The following EIF4ENIF1 variants were observed in gnomAD, a reference collection of about 807,000 sequenced individuals.
EIF4ENIF1 encodes the protein eukaryotic translation initiation factor 4E nuclear import factor 1, also known as eukaryotic translation initiation factor 4E transporter.
A neutral mutation model predicts 110.5 loss-of-function variants in EIF4ENIF1; 23 were observed. The ratio of observed to expected loss-of-function variants is 0.21; its 90% CI spans 0.15 to 0.29. The LOEUF (loss-of-function observed/expected upper bound fraction) is 0.29, where lower values mean the gene tolerates loss of function less well. EIF4ENIF1 is among the 10% of genes least tolerant of loss of function. EIF4ENIF1 has a pLI of 1.00. For synonymous variants in EIF4ENIF1, 440 were observed against 437.0 expected (o/e 1.01, Z -0.09); for missense variants, 1,031 against 1,221.1 (o/e 0.84, Z 2.32).
chr22:31,489,531 G>A (rs867741854), intron 1 of EIF4ENIF1, 163 bp downstream of exon 1: 61 of 142,274 alleles, frequency 4.3e-4, no homozygotes, highest in African/African-American at 1.5e-3. Context: ...GCTACCCGCC[G>A]GCCGCCTTGC....
rs2050969411 is a variant in EIF4ENIF1 at position 31,460,843 on chromosome 22, G to A, written c.787+2089C>T. ...CGCCTGTAGTCCCAGCTACTCGGGA[G>A]GCTGAGGCAGGAGAATGGCGTGAAC... On this transcript the variant is annotated intron_variant, in intron 6 of 18. Transcript: ENST00000330125. Among the ~76,000 whole-genome samples, 6 of 152,242 alleles carry A rather than the reference G, an allele frequency of 3.9e-5. No homozygotes were observed. The South Asian group carries it at 1.0e-3, about 26-fold the overall frequency.
Position 31,481,080 on chromosome 22 carries a change from A to G in EIF4ENIF1, c.96+7543T>C, listed in dbSNP as rs539473240. On this transcript the variant is annotated intron_variant, in intron 2 of 18. Coordinates refer to ENST00000330125, the MANE Select transcript of EIF4ENIF1 (RefSeq NM_019843.4). ...GGGTAGGAAAAAGCAGTCAGAAGCT[A>G]TTCTCTATGGTCTTGCCAGCCAGCC... 2.8e-4 allele frequency among the ~76,000 whole-genome samples: 42 copies of G among 152,312 alleles called. No homozygotes were observed. The South Asian group carries it at 8.7e-3, about 32-fold the overall frequency.
At chr22:31,454,788 C>T (rs2050767152) in intron 9 of EIF4ENIF1, among the ~76,000 whole-genome samples, 1 of 152,136 alleles carries the variant, frequency 6.6e-6, no homozygotes, top group African/African-American at 2.4e-5. Context: ...AATTTATAGC[C>T]TAAGCAAGAA....
chr22:31,439,311 C>CCAAA (rs1329183865), downstream of EIF4ENIF1: 2 of 153,348 alleles, frequency 1.3e-5, no homozygotes, highest in East Asian at 3.9e-4. Flanking sequence ...GACCCTGTCT[C>CCAAA]CAAACAAAAT....
chr22:31,457,909 T>A (rs895271788), intron 7 of EIF4ENIF1, among the ~76,000 whole-genome samples: 1 of 152,054 alleles, frequency 6.6e-6, no homozygotes, highest in Non-Finnish European at 1.5e-5. Flanking sequence ...AATATAAGCA[T>A]CTTAGTGATA....
chr22:31,458,388 TC>T, intron 7 of EIF4ENIF1, 86 bp downstream of exon 7: 1 of 1,221,188 alleles, frequency 8.2e-7, no homozygotes, highest in Non-Finnish European at 1.1e-6. Flanking sequence ...CCCAAAAGCA[TC>T]TAGCAAAACA....
At chr22:31,490,045 G>C (rs1389468878), upstream of EIF4ENIF1, 1 of 152,310 alleles carries the variant, frequency 6.6e-6, no homozygotes, top group Non-Finnish European at 1.5e-5. Context: ...TGGTGGCGGC[G>C]AGGAGGAGGC....
At chr22:31,442,248 T>C (rs1455180980) in intron 16 of EIF4ENIF1, 130 bp from the exon 17 acceptor site, 2 of 717,204 alleles carry the variant, frequency 2.8e-6, no homozygotes, top group Admixed American at 5.7e-5. Flanking sequence ...TTTAGAGGAC[T>C]ACACGGTAGG....
chr22:31,471,536 G>C (rs948313895), intron 3 of EIF4ENIF1, among the ~76,000 whole-genome samples: 5 of 152,078 alleles, frequency 3.3e-5, no homozygotes, highest in Non-Finnish European at 5.9e-5. Context: ...GGATGGTCTC[G>C]ATCTCCTGAC....
intron 6 of EIF4ENIF1, 150 bp from the exon 7 acceptor site, chr22:31,458,800 C>T: frequency 1.7e-6 from 1 of 599,334 alleles, no homozygotes; most frequent in Non-Finnish European, 2.5e-6. Flanking sequence ...AAGAATAAAA[C>T]AGTCCCCCTT....
intron 4 of EIF4ENIF1, among the ~76,000 whole-genome samples, chr22:31,466,442 C>T (rs896732362): frequency 4.0e-5 from 6 of 149,982 alleles, no homozygotes; most frequent in African/African-American, 9.8e-5. Context: ...TAGCTGGGCA[C>T]GGTGGAACGT....
downstream of EIF4ENIF1, among the ~76,000 whole-genome samples, chr22:31,439,107 A>AAATT (rs1285719998): frequency 6.6e-6 from 1 of 152,216 alleles, no homozygotes; most frequent in Non-Finnish European, 1.5e-5. Flanking sequence ...GGCTGGTTAG[A>AAATT]AATTAGGAAG....
At chr22:31,461,690 C>T (rs1050394415) in intron 6 of EIF4ENIF1, 1 of 152,312 alleles carries the variant, frequency 6.6e-6, no homozygotes, top group African/African-American at 2.4e-5. Flanking sequence ...GCCTTGGCCT[C>T]CCAAAGTGCT....
intron 4 of EIF4ENIF1, among the ~76,000 whole-genome samples, chr22:31,464,489 C>G (rs1299194979): frequency 6.6e-6 from 1 of 150,598 alleles, no homozygotes. Context: ...ACCAGCCTGG[C>G]CAAGATGGTG....
At chr22:31,450,844 T>TACATAC (rs2050640796) in intron 10 of EIF4ENIF1, 2 of 120,970 alleles carry the variant, frequency 1.7e-5, no homozygotes, top group Admixed American at 1.7e-4. Context: ...ATATATATAC[T>TACATAC]ACACACACAC....
In EIF4ENIF1 at chr22:31,441,805, A is replaced by G. The variant is rs1237283729; in HGVS notation, c.2520T>C (p.His840=). The G allele has an allele frequency of 1.9e-6, 3 of 1,613,568 alleles. No individual in the cohort carries two copies. ...LVQRMLAQGV[H]PQHLPSLLQT... The stretch of plus-strand genomic sequence containing the variant: ...GGAGCAAACTTGGAAGATGCTGTGG[A>G]TGTACTCCCTGGGCCAGCATCCTCT... Residue 840 remains histidine (H), a synonymous_variant, in exon 17 of 19, where the codon CAT becomes CAC. Coordinates refer to ENST00000330125, the MANE Select transcript of EIF4ENIF1 (RefSeq NM_019843.4).
chr22:31,453,048 G>A (rs2050721266), intron 10 of EIF4ENIF1, among the ~76,000 whole-genome samples: 1 of 152,116 alleles, frequency 6.6e-6, no homozygotes. Flanking sequence ...AAAAAAGAGA[G>A]AAAACTCAAT....
At chr22:31,478,151 G>GC (rs2051660402) in intron 2 of EIF4ENIF1, among the ~76,000 whole-genome samples, 1 of 152,164 alleles carries the variant, frequency 6.6e-6, no homozygotes, top group Non-Finnish European at 1.5e-5. Flanking sequence ...ATCCTAAGAT[G>GC]CTTAAGGTGG....
intron 2 of EIF4ENIF1, chr22:31,479,576 G>A (rs1186388048): frequency 2.6e-5 from 4 of 151,718 alleles, no homozygotes; most frequent in African/African-American, 4.8e-5. Flanking sequence ...CAAAGAAAAC[G>A]TTCAACTATG....
Sources: gnomAD v4.1 joint callset for allele counts (sites outside exome capture counted in the v4.1 genomes callset) on GRCh38, gnomAD v4.1.1 for gene constraint, MANE v1.5 for transcripts, NCBI Gene and HGNC (gene_info 2026-07-23, HGNC 2026-07-21) for gene names.